MAP1B: variants seen among roughly 807,000 people sequenced by gnomAD.
MAP1B encodes the protein microtubule-associated protein 1B.
Under a neutral mutation model 176.1 loss-of-function variants are expected in MAP1B, and 12 were observed. The ratio of observed to expected loss-of-function variants is 0.07; its 90% confidence interval spans 0.04 to 0.11. MAP1B has a LOEUF of 0.11. MAP1B is among the 10% of genes least tolerant of loss of function. MAP1B has a pLI of 1.00. For synonymous variants in MAP1B, 1,044 were observed against 1,135.0 expected, an observed-to-expected ratio of 0.92 and a Z score of 1.61; for missense variants, 2,523 against 2,990.5, an observed-to-expected ratio of 0.84 and a Z score of 3.65.
chr5:72,110,655 G>A (rs1430463914), intron 1 of MAP1B, among the ~76,000 whole-genome samples: 1 of 152,180 alleles, frequency 6.6e-6, no homozygotes, highest in Non-Finnish European at 1.5e-5. Flanking sequence ...AGGGGGGCCA[G>A]CTCTGATGAT....
rs953653186 is a variant in MAP1B, at chr5:72,206,477, CAG to C, written c.*1239_*1240del. 6.6e-6 allele frequency: 1 copy of C among 152,616 alleles called. No individual in the cohort carries two copies. Among genetic ancestry groups the C allele is most frequent in the African/African-American group, 2.4e-5 (1 of 41,452 alleles). The allele number at this position is 152,616 out of a possible 1,614,324, so 9.5% of individuals were successfully genotyped here. On this transcript the variant is annotated 3_prime_UTR_variant, in exon 7 of 7. Transcript: ENST00000296755. ...GCTTCTATGATCAGAACTGGGAAAACAGTGAATCTTATGGTGGAAGAGGTTCT... is the reference window on the plus strand; with the variant it reads ...GCTTCTATGATCAGAACTGGGAAAACTGAATCTTATGGTGGAAGAGGTTCT...
chr5:72,116,182 A>G (rs1745434607), intron 2 of MAP1B, among the ~76,000 whole-genome samples: 1 of 152,202 alleles, frequency 6.6e-6, no homozygotes, highest in Admixed American at 6.5e-5. Flanking sequence ...AAGGGACTAC[A>G]AACTATTTAA....
intron 2 of MAP1B, among the ~76,000 whole-genome samples, chr5:72,160,431 T>C (rs563935084): frequency 4.6e-4 from 70 of 152,314 alleles, no homozygotes; most frequent in Non-Finnish European, 7.1e-4. Context: ...AGGAAATGAG[T>C]GTAGGCTGGG....
At chr5:72,192,477 A>G (rs1747045265) in intron 4 of MAP1B, among the ~76,000 whole-genome samples, 1 of 152,386 alleles carries the variant, frequency 6.6e-6, no homozygotes, top group East Asian at 1.9e-4. Flanking sequence ...CTTAGGACTA[A>G]TATGCTAACA....
intron 2 of MAP1B, among the ~76,000 whole-genome samples, chr5:72,156,143 C>G (rs1009634661): frequency 1.3e-5 from 2 of 152,176 alleles, no homozygotes; most frequent in Non-Finnish European, 2.9e-5. Flanking sequence ...CACCTCCTCT[C>G]CTTCAGAAAC....
chr5:72,200,348 G>C lies in MAP1B; in HGVS notation c.6993G>C (p.Ser2331=). 1 of 1,613,234 alleles carries C rather than the reference G, an allele frequency of 6.2e-7. No individual in the cohort carries two copies. The highest frequency in any genetic ancestry group is 8.5e-7 in the Non-Finnish European group (1 of 1,179,388). Residue 2331 remains serine (S), a synonymous_variant, in exon 5 of 7, where the codon TCG becomes TCC. Transcript: ENST00000296755. ...KNAANASASK[S]AKTATAGPGT... ...CTGCCAATGCCTCTGCATCCAAGTC[G>C]GCCAAGACCGCCACTGCAGGTAGGT... is the stretch of plus-strand genomic sequence containing the variant.
At chr5:72,176,245 G>A (rs568505507) in intron 2 of MAP1B, among the ~76,000 whole-genome samples, 2 of 152,264 alleles carry the variant, frequency 1.3e-5, no homozygotes, top group African/African-American at 4.8e-5. Flanking sequence ...AATTCAGCAG[G>A]CGTTGGCTGA....
intron 2 of MAP1B, among the ~76,000 whole-genome samples, chr5:72,150,591 C>T (rs1423202109): frequency 1.3e-5 from 2 of 152,188 alleles, no homozygotes; most frequent in Admixed American, 6.5e-5. Flanking sequence ...CAGATTATTT[C>T]ATCACCCAGG....
chr5:72,111,726 A>C (rs964989750), intron 1 of MAP1B, among the ~76,000 whole-genome samples: 2 of 152,192 alleles, frequency 1.3e-5, no homozygotes, highest in African/African-American at 2.4e-5. Flanking sequence ...GGCAGTCCCC[A>C]AATTTAAGGT....
Position 72,199,276 on chromosome 5 carries a change from A to G in MAP1B, c.5921A>G (p.Tyr1974Cys), listed in dbSNP as rs896703542. Residue 1974 changes from tyrosine (Y) to cysteine (C), a missense_variant, in exon 5 of 7, where the codon TAT becomes TGT. By Grantham distance (194) the Tyr-to-Cys change is radical (BLOSUM62 -2). Coordinates refer to ENST00000296755, the MANE Select transcript of MAP1B (RefSeq NM_005909.5). This position sits in a 1 kb window ranked among gnomAD's most constrained non-coding sequence, Gnocchi z 4.2. ...TSPPEVSGYSYEKTERSRRLL... is the reference protein window; with the variant it reads ...TSPPEVSGYSCEKTERSRRLL... ...CCCCCCGAAGTGAGTGGTTACAGCT[A>G]TGAAAAGACTGAGAGGTCTAGAAGG... The G allele has an allele frequency of 1.2e-6, 2 of 1,614,178 alleles. No homozygotes were observed. The highest frequency in any genetic ancestry group is 1.7e-6 in the Non-Finnish European group (2 of 1,180,022).
intron 2 of MAP1B, among the ~76,000 whole-genome samples, chr5:72,117,688 T>C (rs1401969583): frequency 2.0e-5 from 3 of 152,230 alleles, no homozygotes; most frequent in Non-Finnish European, 4.4e-5. Context: ...TGTATAGTGT[T>C]ATGCTAGAGG....
At chr5:72,162,701 A>G (rs1223066409) in intron 2 of MAP1B, among the ~76,000 whole-genome samples, 1 of 152,200 alleles carries the variant, frequency 6.6e-6, no homozygotes, top group Non-Finnish European at 1.5e-5. Context: ...GGGACCCAAC[A>G]TAGTAGGGAC....
chr5:72,180,815 T>A (rs900494419), intron 2 of MAP1B, among the ~76,000 whole-genome samples: 1 of 152,212 alleles, frequency 6.6e-6, no homozygotes, highest in African/African-American at 2.4e-5. Context: ...CCTGCTTTTG[T>A]AAGCTCATCT....
At position 72,198,126 on chromosome 5, in the gene MAP1B, T is replaced by G; in HGVS notation, c.4771T>G (p.Ser1591Ala). Reference protein sequence around the residue: ...PHSTEVDDSLSVSVVQTPTTF... With the variant: ...PHSTEVDDSLAVSVVQTPTTF... ...TTCCACAGAAGTAGATGACTCCCTT[T>G]CAGTGTCTGTTGTGCAAACACCTAC... The change falls in exon 5 of 7, where the codon TCA becomes GCA. Residue 1591 changes from serine (S) to alanine (A), a missense_variant. Around this residue, in one of 4 missense-constraint regions of MAP1B, gnomAD observed 1,925 missense variants for 2,126.0 expected, o/e 0.91. Coordinates refer to ENST00000296755, the MANE Select transcript of MAP1B (RefSeq NM_005909.5). 6.2e-7 allele frequency: 1 copy of G among 1,614,186 alleles called. No homozygotes were observed. The highest frequency in any genetic ancestry group is 1.1e-5 in the South Asian group (1 of 91,090).
In MAP1B at chr5:72,194,609, T is replaced by C; in HGVS notation, c.1254T>C (p.Gly418=). 1 of 1,614,098 alleles carries C rather than the reference T, an allele frequency of 6.2e-7. No individual in the cohort carries two copies. Among genetic ancestry groups the C allele is most frequent in the Non-Finnish European group, 8.5e-7 (1 of 1,180,042 alleles). The change falls in exon 5 of 7, where the codon GGT becomes GGC. Residue 418 remains glycine, a synonymous_variant. Transcript: ENST00000296755. The surrounding 1 kb of genome is among the most constrained non-coding windows in gnomAD (Gnocchi z 7.2). ...PVILFQKMGV[G]KLEMYVLNPV... ...TTCTTTTCCAAAAAATGGGAGTAGG[T>C]AAACTTGAGATGTATGTGCTTAATC...
At chr5:72,118,875 T>C (rs895237025) in intron 2 of MAP1B, among the ~76,000 whole-genome samples, 1 of 152,222 alleles carries the variant, frequency 6.6e-6, no homozygotes, top group African/African-American at 2.4e-5. Flanking sequence ...ATGATAGCTT[T>C]TGTTGTTTTT....
At chr5:72,137,453 T>C (rs1268546329) in intron 2 of MAP1B, among the ~76,000 whole-genome samples, 1 of 152,264 alleles carries the variant, frequency 6.6e-6, no homozygotes, top group Non-Finnish European at 1.5e-5. Flanking sequence ...CTTTAACTGC[T>C]GAGATCCATC....
In MAP1B at chr5:72,195,241, A is replaced by T. The variant is rs926294242; in HGVS notation, c.1886A>T (p.Lys629Ile). The T allele has an allele frequency of 1.2e-6, 2 of 1,613,900 alleles. No homozygotes were observed. The highest frequency in any genetic ancestry group is 1.7e-5 in the Admixed American group (1 of 59,998). Residue 629 changes from lysine (K) to isoleucine (I), a missense_variant, in exon 5 of 7, where the codon AAA becomes ATA. Physicochemically the swap from Lys to Ile is moderately radical, Grantham distance 102. Coordinates refer to ENST00000296755, the MANE Select transcript of MAP1B (RefSeq NM_005909.5). ...GCTGAGAAGCAAGCCACAGATGTCAAACCCAAAGCTGCCAAGGAGAAGACG... is the reference window on the plus strand; with the variant it reads ...GCTGAGAAGCAAGCCACAGATGTCATACCCAAAGCTGCCAAGGAGAAGACG... ...EVAEKQATDV[K>I]PKAAKEKTVK...
intron 2 of MAP1B, among the ~76,000 whole-genome samples, chr5:72,123,847 T>A (rs1745575023): frequency 6.6e-6 from 1 of 152,104 alleles, no homozygotes; most frequent in African/African-American, 2.4e-5. Context: ...CCCAGTCTGG[T>A]CTTGAACTCC....
Sources: allele counts gnomAD v4.1 joint callset (sites outside exome capture counted in the v4.1 genomes callset), GRCh38; gene constraint gnomAD v4.1.1; regional missense constraint gnomAD v4.1.1; non-coding constraint Gnocchi (gnomAD v3.1); transcripts MANE v1.5; gene names NCBI Gene and HGNC (gene_info 2026-07-23, HGNC 2026-07-21).